ATP7B: variants seen among roughly 807,000 people sequenced by gnomAD.
ATP7B encodes the protein ATPase copper transporting beta.
ATP7B carries 113 observed loss-of-function variants against 118.9 expected under a neutral mutation model. That is an observed-to-expected ratio of 0.95 (90% CI 0.82 to 1.11). The LOEUF (loss-of-function observed/expected upper bound fraction) is 1.11. Among genes scored for constraint, ATP7B ranks in the 50% most tolerant of loss-of-function variants. The pLI is 0.00. For missense variants in ATP7B, 1,867 were observed against 1,871.4 expected (o/e 1.00, Z 0.04); for synonymous variants, 777 against 727.4 (o/e 1.07, Z -1.10).
At chr13:51,973,451 A>G (rs758488489) in intron 2 of ATP7B, among the ~76,000 whole-genome samples, 20 of 152,162 alleles carry the variant, frequency 1.3e-4, no homozygotes, top group Non-Finnish European at 1.0e-4. Context: ...TCATGAATGG[A>G]ATCCACTCAT....
At chr13:51,973,040 TA>T (rs1951917448) in intron 2 of ATP7B, among the ~76,000 whole-genome samples, 1 of 152,092 alleles carries the variant, frequency 6.6e-6, no homozygotes, top group African/African-American at 2.4e-5. Flanking sequence ...TTAAAAAATA[TA>T]AAAGCCTGGT....
At chr13:51,990,936 A>G (rs183534423) in intron 1 of ATP7B, among the ~76,000 whole-genome samples, 210 of 152,296 alleles carry the variant, frequency 1.4e-3, no homozygotes, top group Non-Finnish European at 2.6e-3. Context: ...AAAAATACAA[A>G]TATTAGTTGG....
At chr13:51,995,138 C>T (rs1218489710) in intron 1 of ATP7B, among the ~76,000 whole-genome samples, 1 of 152,154 alleles carries the variant, frequency 6.6e-6, no homozygotes. Context: ...ACCCAAACTT[C>T]CAAGCCATGG....
At chr13:51,948,181 ATG>A (rs1466264390) in intron 12 of ATP7B, among the ~76,000 whole-genome samples, 2 of 152,208 alleles carry the variant, frequency 1.3e-5, no homozygotes, top group Non-Finnish European at 2.9e-5. Flanking sequence ...AGTAAATGAC[ATG>A]TGTCCTGAGA....
intron 1 of ATP7B, chr13:51,995,294 C>T: frequency 1.0e-6 from 1 of 985,280 alleles, no homozygotes; most frequent in Non-Finnish European, 1.2e-6. Flanking sequence ...GCTTTTTAGC[C>T]CATCTGCAAT....
In ATP7B at chr13:51,970,574, C is replaced by T. The variant is rs372068316; in HGVS notation, c.1461G>A (p.Pro487=). 5.6e-6 allele frequency: 9 copies of T among 1,614,142 alleles called. No individual in the cohort carries two copies. Among genetic ancestry groups the T allele is most frequent in the Admixed American group, 1.7e-5 (1 of 60,026 alleles). The change falls in exon 3 of 21, where the codon CCG becomes CCA. Residue 487 remains proline, a synonymous_variant. Coordinates refer to ENST00000242839, the MANE Select transcript of ATP7B (RefSeq NM_000053.4). ...CTTTGATCTGTAAGAAGCACTTCTG[C>T]GGTGCCACTGCTCTGGTTGATTGTG... is the stretch of plus-strand genomic sequence containing the variant. ...KSPQSTRAVA[P]QKCFLQIKGM...
intron 12 of ATP7B, 192 bp from the exon 13 acceptor site, chr13:51,946,670 A>G (rs1224078476): frequency 4.5e-6 from 3 of 673,098 alleles, no homozygotes; most frequent in East Asian, 2.8e-5. Flanking sequence ...CCAGCTATCC[A>G]ACTTCATCCT....
chr13:51,944,850 C>A (rs1957550128), intron 13 of ATP7B, among the ~76,000 whole-genome samples: 1 of 152,210 alleles, frequency 6.6e-6, no homozygotes, highest in Admixed American at 6.5e-5. Flanking sequence ...AGTCCCCACA[C>A]CTCTGGGCTC....
rs538663385 is a variant in ATP7B, at chr13:51,949,640, T to C, written c.2865+22A>G. 23 of 1,612,894 alleles carry C rather than the reference T, an allele frequency of 1.4e-5. No homozygotes were observed. In the Admixed American group the frequency reaches 3.7e-4, roughly 26 times the overall value. On this transcript the variant is annotated intron_variant, in intron 12 of 20. Transcript: ENST00000242839. Reference sequence around the variant, plus strand: ...GATTATTTAAAACACAACCACCATATAGCCCAAGGCATTCAACTTACAGGA... The same window carrying C: ...GATTATTTAAAACACAACCACCATACAGCCCAAGGCATTCAACTTACAGGA...
At chr13:51,941,977 C>T (rs1336293897) in intron 15 of ATP7B, among the ~76,000 whole-genome samples, 2 of 152,226 alleles carry the variant, frequency 1.3e-5, no homozygotes, top group Non-Finnish European at 2.9e-5. Context: ...GTGTCCCTTC[C>T]TGGCTTGGGC....
At chr13:51,991,144 A>G (rs1566645337) in intron 1 of ATP7B, among the ~76,000 whole-genome samples, 1 of 152,152 alleles carries the variant, frequency 6.6e-6, no homozygotes, top group East Asian at 1.9e-4. Context: ...ACAAAATTCC[A>G]TATTCTGGTC....
intron 1 of ATP7B, among the ~76,000 whole-genome samples, chr13:52,008,414 G>A (rs2140691834): frequency 6.6e-6 from 1 of 152,332 alleles, no homozygotes; most frequent in South Asian, 2.1e-4. Flanking sequence ...GTCCACTGGT[G>A]ATTGGCACAA....
Position 51,974,978 on chromosome 13 carries a change from G to A in ATP7B, c.242C>T (p.Ser81Phe), listed in dbSNP as rs1952033915. 1.2e-6 allele frequency: 2 copies of A among 1,614,028 alleles called. No individual in the cohort carries two copies. Among genetic ancestry groups the A allele is most frequent in the Non-Finnish European group, 1.7e-6 (2 of 1,180,044 alleles). ...SCVKSIEDRI[S>F]NLKGIISMKV... ...CATGCTGATGATGCCTTTCAAATTG[G>A]AAATCCTGTCCTCAATGGACTTCAC... The change falls in exon 2 of 21, where the codon TCC becomes TTC. Residue 81 changes from serine (S) to phenylalanine (F), a missense_variant. Coordinates refer to ENST00000242839, the MANE Select transcript of ATP7B (RefSeq NM_000053.4).
At chr13:51,953,284 A>G (rs914657785) in intron 9 of ATP7B, among the ~76,000 whole-genome samples, 1 of 152,180 alleles carries the variant, frequency 6.6e-6, no homozygotes, top group African/African-American at 2.4e-5. Flanking sequence ...ATGGCCTGAG[A>G]AGCCCAAGTC....
At chr13:52,009,382 C>G (rs1033449339) in intron 1 of ATP7B, among the ~76,000 whole-genome samples, 2 of 152,172 alleles carry the variant, frequency 1.3e-5, no homozygotes, top group African/African-American at 4.8e-5. Flanking sequence ...AACATTTCTT[C>G]TCCCTGAGGG....
At chr13:51,986,938 T>A (rs1168489094) in intron 1 of ATP7B, among the ~76,000 whole-genome samples, 1 of 152,156 alleles carries the variant, frequency 6.6e-6, no homozygotes, top group African/African-American at 2.4e-5. Context: ...AACAGCTATT[T>A]ATGACAAACC....
chr13:51,994,885 T>C (rs1953123944), intron 1 of ATP7B, among the ~76,000 whole-genome samples: 1 of 152,222 alleles, frequency 6.6e-6, no homozygotes, highest in Non-Finnish European at 1.5e-5. Context: ...CGTTATACTG[T>C]CTTACTTTTG....
chr13:51,958,425 G>T lies in ATP7B; in HGVS notation c.2241C>A (p.Ile747=), dbSNP rs757991922. The T allele has an allele frequency of 6.2e-7, 1 of 1,614,226 alleles. No individual in the cohort carries two copies. Among genetic ancestry groups the T allele is most frequent in the Admixed American group, 1.7e-5 (1 of 60,026 alleles). The change falls in exon 8 of 21, where the codon ATC becomes ATA. Residue 747 remains isoleucine, a synonymous_variant. Transcript: ENST00000242839. ...TSIAYVYSLV[I]LVVAVAEKAE... The stretch of plus-strand genomic sequence containing the variant: ...CCTTCTCAGCCACAGCAACCACCAG[G>T]ATGACCAGAGAATAAACATAAGCAA...
intron 9 of ATP7B, among the ~76,000 whole-genome samples, chr13:51,957,041 C>G (rs1473609172): frequency 1.3e-5 from 2 of 152,064 alleles, no homozygotes; most frequent in Non-Finnish European, 2.9e-5. Flanking sequence ...AGAATAGTGT[C>G]TAGCAAACAA....
Sources: gnomAD v4.1 joint callset for allele counts (sites outside exome capture counted in the v4.1 genomes callset) on GRCh38, gnomAD v4.1.1 for gene constraint, MANE v1.5 for transcripts, NCBI Gene and HGNC (gene_info 2026-07-23, HGNC 2026-07-21) for gene names.